The following MGAT4A variants were observed in gnomAD, a reference collection of about 807,000 sequenced individuals.
MGAT4A encodes the protein N-acetylglucosaminyltransferase IVa.
A neutral mutation model predicts 74.1 loss-of-function variants in MGAT4A; 33 were observed. That is an observed-to-expected ratio of 0.45 (90% CI 0.34 to 0.60). The LOEUF (loss-of-function observed/expected upper bound fraction) is 0.60, where lower values mean the gene tolerates loss of function less well. MGAT4A is among the 20% of genes least tolerant of loss of function. The pLI is 0.02. For missense variants in MGAT4A, 479 were observed against 628.3 expected, an observed-to-expected ratio of 0.76 and a Z score of 2.54; for synonymous variants, 198 against 210.4, an observed-to-expected ratio of 0.94 and a Z score of 0.51.
chr2:98,694,404 G>A (rs1406091288), intron 2 of MGAT4A: 1 of 153,442 alleles, frequency 6.5e-6, no homozygotes, highest in Non-Finnish European at 1.5e-5. Flanking sequence ...CCATGGTCTT[G>A]GAATTTTGGG....
In MGAT4A at chr2:98,642,238, A is replaced by G. The variant is rs143686870; in HGVS notation, c.1020+1685T>C. Among the ~76,000 whole-genome samples the G allele has an allele frequency of 2.4e-4, 36 of 152,280 alleles. No individual in the cohort carries two copies. The East Asian group carries it at 7.0e-3, about 29-fold the overall frequency. ...GACTGGGGAGCGCAAGGTTGAGGAG[A>G]GAGCAAAACCACCGAGGCAGTGTCT... On this transcript the variant is annotated intron_variant, in intron 10 of 15. Coordinates refer to ENST00000393487, the MANE Select transcript of MGAT4A (RefSeq NM_012214.3).
At position 98,655,459 on chromosome 2, in the gene MGAT4A, T is replaced by G. The variant is rs758147797; in HGVS notation, c.760A>C (p.Ile254Leu). The G allele has an allele frequency of 1.9e-6, 3 of 1,606,814 alleles. No individual in the cohort carries two copies. In the East Asian group the frequency reaches 6.7e-5, roughly 36 times the overall value. The change falls in exon 8 of 16, where the codon ATA becomes CTA. Residue 254 changes from isoleucine (I) to leucine (L), a missense_variant. Physicochemically the swap from Ile to Leu is conservative, Grantham distance 5. This residue lies in a region of MGAT4A where 38 missense variants were observed against 87.4 expected (regional missense o/e 0.43). Coordinates refer to ENST00000393487, the MANE Select transcript of MGAT4A (RefSeq NM_012214.3). ...ACTACACTTACCTGAATGTAATATA[T>G]GCCCTTTTCTTGAGCATACATCATT... ...FLMMYAQEKG[I>L]YYIQLEDDII...
intron 2 of MGAT4A, among the ~76,000 whole-genome samples, chr2:98,704,219 T>G (rs1311417590): frequency 6.6e-6 from 1 of 152,152 alleles, no homozygotes. Context: ...GAAAGCTACT[T>G]CAGATCAAAA....
At chr2:98,665,549 G>A (rs1365861613) in intron 4 of MGAT4A, among the ~76,000 whole-genome samples, 1 of 152,126 alleles carries the variant, frequency 6.6e-6, no homozygotes, top group African/African-American at 2.4e-5. Flanking sequence ...CCCAAAAAAA[G>A]ATATTTGCTC....
chr2:98,680,985 T>C (rs922390579), intron 2 of MGAT4A, among the ~76,000 whole-genome samples: 2 of 152,170 alleles, frequency 1.3e-5, no homozygotes, highest in African/African-American at 4.8e-5. Flanking sequence ...TTTGTTGTTG[T>C]TGTTGTTCTT....
rs774604984 is a variant in MGAT4A, at chr2:98,622,769, C to T, written c.*2797G>A. The T allele has an allele frequency of 1.4e-5, 14 of 985,588 alleles. No homozygotes were observed. Among genetic ancestry groups the T allele is most frequent in the Non-Finnish European group, 1.7e-5 (14 of 830,172 alleles). The allele number at this position is 985,588 out of a possible 1,614,324, so 61.1% of individuals were successfully genotyped here. ...GGAACCTGAAATCTGGTCAGAGAGA[C>T]AGCACACACCATACACACAAACAAT... On this transcript the variant is annotated 3_prime_UTR_variant, in exon 16 of 16. Transcript: ENST00000393487.
At chr2:98,681,455 A>T (rs1419577679) in intron 2 of MGAT4A, among the ~76,000 whole-genome samples, 1 of 152,202 alleles carries the variant, frequency 6.6e-6, no homozygotes, top group Non-Finnish European at 1.5e-5. Context: ...TGTTATATAT[A>T]TGAAACCATG....
chr2:98,705,948 CAAAAAAAAAAA>C (rs35710005), intron 2 of MGAT4A, among the ~76,000 whole-genome samples: 1 of 47,510 alleles, frequency 2.1e-5, no homozygotes, highest in African/African-American at 8.7e-5. Flanking sequence ...GACTCCGTCT[CAAAAAAAAAAA>C]AAAAAAAAAA....
At chr2:98,662,148 T>C (rs1480570777) in intron 5 of MGAT4A, among the ~76,000 whole-genome samples, 4 of 152,232 alleles carry the variant, frequency 2.6e-5, no homozygotes, top group African/African-American at 4.8e-5. Flanking sequence ...TGTAGTTTGG[T>C]TGAGTATTAT....
intron 9 of MGAT4A, 147 bp downstream of exon 9, chr2:98,645,281 A>G: frequency 3.7e-6 from 2 of 541,958 alleles, no homozygotes; most frequent in South Asian, 3.3e-5. Flanking sequence ...CATGTCATAC[A>G]AAGAGGTTTA....
At chr2:98,713,279 T>C (rs1702544330) in intron 2 of MGAT4A, among the ~76,000 whole-genome samples, 1 of 147,190 alleles carries the variant, frequency 6.8e-6, no homozygotes, top group African/African-American at 2.5e-5. Context: ...CAAAAAAAGA[T>C]ACAGAATCTA....
In MGAT4A at chr2:98,625,069, CA is replaced by C; in HGVS notation, c.*496del. 1 of 975,542 alleles carries C rather than the reference CA, an allele frequency of 1.0e-6. No homozygotes were observed. The highest frequency in any genetic ancestry group is 1.2e-6 in the Non-Finnish European group (1 of 820,908). The allele number at this position is 975,542 out of a possible 1,614,324, so 60.4% of individuals were successfully genotyped here. On this transcript the variant is annotated 3_prime_UTR_variant, in exon 16 of 16. Transcript: ENST00000393487. The stretch of plus-strand genomic sequence containing the variant: ...CTGGTTTTCAAAAAAAGTATCGATT[CA>C]AAAATCTACTGCACAAAAATATGTA...
At chr2:98,629,715 T>A (rs1701199401) in intron 14 of MGAT4A, among the ~76,000 whole-genome samples, 1 of 152,094 alleles carries the variant, frequency 6.6e-6, no homozygotes, top group Non-Finnish European at 1.5e-5. Flanking sequence ...TACAAGGGAA[T>A]TTTAGGCAGC....
rs143181643 is a variant in MGAT4A, at chr2:98,636,592, A to G, written c.1326T>C (p.Tyr442=). The G allele has an allele frequency of 8.7e-6, 14 of 1,611,346 alleles. No individual in the cohort carries two copies. Among genetic ancestry groups the G allele is most frequent in the Non-Finnish European group, 1.2e-5 (14 of 1,177,476 alleles). Residue 442 remains tyrosine (Y), a synonymous_variant, in exon 13 of 16, where the codon TAT becomes TAC. Coordinates refer to ENST00000393487, the MANE Select transcript of MGAT4A (RefSeq NM_012214.3). ...KFDKPVNVES[Y]LFHSGNQEHP... ...GTTCTTGGTTGCCGCTATGGAACAA[A>G]TAACTGAAAATACAAACATCAAAAT...
intron 10 of MGAT4A, 109 bp from the exon 11 acceptor site, chr2:98,640,337 C>G (rs188104837): frequency 1.1e-6 from 1 of 895,600 alleles, no homozygotes; most frequent in Non-Finnish European, 1.7e-6. Flanking sequence ...GGGCTGGGCG[C>G]GGTGGGTCAT....
intron 4 of MGAT4A, among the ~76,000 whole-genome samples, chr2:98,669,802 T>C (rs916232542): frequency 6.6e-6 from 1 of 152,152 alleles, no homozygotes; most frequent in African/African-American, 2.4e-5. Context: ...GCAAAGGGGA[T>C]ATAATTATTA....
Position 98,660,426 on chromosome 2 carries a change from A to G in MGAT4A, c.538-2162T>C, listed in dbSNP as rs1021109021. ...CACACACACACGCACGCGCACACAC[A>G]CACACACACACACACACACACACAC... On this transcript the variant is annotated intron_variant, in intron 5 of 15. Coordinates refer to ENST00000393487, the MANE Select transcript of MGAT4A (RefSeq NM_012214.3). 5.9e-3 allele frequency among the ~76,000 whole-genome samples: 236 copies of G among 40,308 alleles called. 1 individual carries two copies. Among genetic ancestry groups the G allele is most frequent in the African/African-American group, 0.058 (190 of 3,286 alleles). The allele number at this position is 40,308 out of a possible 152,430, so 26.4% of individuals were successfully genotyped here. A position where few individuals can be genotyped will look rare whatever the true frequency, so the allele number is the denominator to read the frequency against.
intron 8 of MGAT4A, among the ~76,000 whole-genome samples, chr2:98,646,253 TA>T (rs1225570743): frequency 6.6e-6 from 1 of 152,094 alleles, no homozygotes; most frequent in Non-Finnish European, 1.5e-5. Context: ...CTGAAAGTCC[TA>T]GAAGCAAAAA....
intron 2 of MGAT4A, among the ~76,000 whole-genome samples, chr2:98,688,878 G>A (rs899918690): frequency 6.6e-6 from 1 of 151,974 alleles, no homozygotes; most frequent in African/African-American, 2.4e-5. Flanking sequence ...CTAAACTTGT[G>A]GTAATTTATT....
Sources: allele counts gnomAD v4.1 joint callset (sites outside exome capture counted in the v4.1 genomes callset), GRCh38; gene constraint gnomAD v4.1.1; regional missense constraint gnomAD v4.1.1; transcripts MANE v1.5; gene names NCBI Gene and HGNC (gene_info 2026-07-23, HGNC 2026-07-21).